Variants in FAM135B observed in about 807,000 individuals in gnomAD.
FAM135B encodes family with sequence similarity 135 member B.
FAM135B carries 43 observed loss-of-function variants against 127.7 expected under a neutral mutation model. The ratio of observed to expected loss-of-function variants is 0.34; its 90% CI spans 0.26 to 0.43. The LOEUF (loss-of-function observed/expected upper bound fraction) is 0.43. Ranked by LOEUF, FAM135B falls within the 20% of genes least tolerant of loss-of-function variation. FAM135B has a pLI of 1.00. For missense variants in FAM135B, 1,558 were observed against 1,725.6 expected, an observed-to-expected ratio of 0.90 and a Z score of 1.72; for synonymous variants, 670 against 665.1, an observed-to-expected ratio of 1.01 and a Z score of -0.11.
chr8:138,329,845 G>A (rs1828045289), intron 2 of FAM135B, among the ~76,000 whole-genome samples: 1 of 152,164 alleles, frequency 6.6e-6, no homozygotes, highest in Admixed American at 6.5e-5. Context: ...TGGGTTCCAT[G>A]TAAGAAGATC....
intron 1 of FAM135B, chr8:138,477,349 C>G (rs1181333966): frequency 6.6e-6 from 1 of 152,218 alleles, no homozygotes; most frequent in Non-Finnish European, 1.5e-5. Context: ...TCTCTTCCTT[C>G]AAGCTCAGCC....
At chr8:138,207,359 T>A (rs1289021477) in intron 7 of FAM135B, among the ~76,000 whole-genome samples, 1 of 151,708 alleles carries the variant, frequency 6.6e-6, no homozygotes, top group Admixed American at 6.6e-5. Context: ...CAGGCTCCCA[T>A]CACCACACCA....
At position 138,145,948 on chromosome 8, in the gene FAM135B, TATC is replaced by T; in HGVS notation, c.3540+8_3540+10del. On this transcript the variant is annotated splice_region_variant and intron_variant, in intron 15 of 19. Coordinates refer to ENST00000395297, the MANE Select transcript of FAM135B (RefSeq NM_015912.4). Reference sequence around the variant, plus strand: ...AGGGTTCTTCCAGTTCTGATATTTGTATCATCATACCTGATTCTTTTCAGACAT... The same window carrying T: ...AGGGTTCTTCCAGTTCTGATATTTGTATCATACCTGATTCTTTTCAGACAT... The T allele has an allele frequency of 1.4e-6, 2 of 1,456,652 alleles. No homozygotes were observed. Among genetic ancestry groups the T allele is most frequent in the Admixed American group, 1.7e-5 (1 of 58,664 alleles). The allele number at this position is 1,456,652 out of a possible 1,614,324, so 90.2% of individuals were successfully genotyped here. A position where few individuals can be genotyped will look rare whatever the true frequency, so the allele number is the denominator to read the frequency against.
intron 1 of FAM135B, among the ~76,000 whole-genome samples, chr8:138,369,076 T>A (rs1481924902): frequency 6.6e-6 from 1 of 152,152 alleles, no homozygotes; most frequent in Non-Finnish European, 1.5e-5. Context: ...GGTAAGATCC[T>A]CCCATTCTCC....
At chr8:138,318,754 T>C (rs754901776) in intron 2 of FAM135B, among the ~76,000 whole-genome samples, 16 of 152,240 alleles carry the variant, frequency 1.1e-4, no homozygotes, top group Non-Finnish European at 2.1e-4. Context: ...TGCTACTGAA[T>C]CTTACTTCAA....
chr8:138,130,241 T>C lies in FAM135B; in HGVS notation c.*2352A>G, dbSNP rs959155357. 3.3e-5 allele frequency: 5 copies of C among 150,922 alleles called. No individual in the cohort carries two copies. Among genetic ancestry groups the C allele is most frequent in the Non-Finnish European group, 7.4e-5 (5 of 67,796 alleles). 9.3% of individuals were successfully genotyped at this position (150,922 alleles called of 1,614,324 possible). ...TATATATATTTATATATTCGATATC[T>C]ATATTTCAATAGAAAGAGACATAAA... On this transcript the variant is annotated 3_prime_UTR_variant, in exon 20 of 20. Coordinates refer to ENST00000395297, the MANE Select transcript of FAM135B (RefSeq NM_015912.4).
At chr8:138,314,693 C>CAGTAAATAAATAAATAAATA (rs1554662772) in intron 2 of FAM135B, among the ~76,000 whole-genome samples, 2,334 of 120,290 alleles carry the variant, frequency 0.019, 73 homozygotes, top group East Asian at 0.15. Context: ...CCCATCCCTA[C>CAGTAAATAAATAAATAAATA]AATAAATAAA....
At chr8:138,291,425 C>T (rs1187430991) in intron 3 of FAM135B, among the ~76,000 whole-genome samples, 1 of 152,154 alleles carries the variant, frequency 6.6e-6, no homozygotes, top group Non-Finnish European at 1.5e-5. Flanking sequence ...TAGGAGGTAA[C>T]ACTTCCAAAC....
upstream of FAM135B, among the ~76,000 whole-genome samples, chr8:138,497,283 G>T (rs1815436279): frequency 6.7e-6 from 1 of 150,276 alleles, no homozygotes; most frequent in Admixed American, 6.6e-5. Context: ...CGGCTCACGC[G>T]CTCCCACCTC....
chr8:138,422,653 A>G (rs1193457702), intron 1 of FAM135B, among the ~76,000 whole-genome samples: 1 of 152,202 alleles, frequency 6.6e-6, no homozygotes, highest in Non-Finnish European at 1.5e-5. Context: ...TGGTAATATA[A>G]GTTAGTTCAG....
At chr8:138,448,509 G>C (rs1371872033) in intron 1 of FAM135B, among the ~76,000 whole-genome samples, 1 of 152,102 alleles carries the variant, frequency 6.6e-6, no homozygotes, top group Non-Finnish European at 1.5e-5. Flanking sequence ...TGTAAAAGCT[G>C]GAGTATCACT....
intron 7 of FAM135B, among the ~76,000 whole-genome samples, chr8:138,226,857 G>A (rs191627413): frequency 1.8e-3 from 268 of 150,328 alleles, no homozygotes; most frequent in Middle Eastern, 0.01. Context: ...CCACCACACC[G>A]AGCTAATTTT....
intron 1 of FAM135B, among the ~76,000 whole-genome samples, chr8:138,418,884 CAAA>C (rs761615203): frequency 8.6e-6 from 1 of 116,326 alleles, no homozygotes. Context: ...TCACCAACCA[CAAA>C]AAAAAAAAAA....
At chr8:138,268,160 C>T (rs73439028) in intron 3 of FAM135B, among the ~76,000 whole-genome samples, 1,790 of 152,254 alleles carry the variant, frequency 0.012, 39 homozygotes, top group East Asian at 0.09. Flanking sequence ...GCCACACTGA[C>T]CTTGTGGGAT....
At chr8:138,325,534 G>T (rs989351258) in intron 2 of FAM135B, among the ~76,000 whole-genome samples, 1 of 152,072 alleles carries the variant, frequency 6.6e-6, no homozygotes, top group East Asian at 1.9e-4. Context: ...TTACTGTTGG[G>T]TTGGACTCAA....
chr8:138,184,890 G>A (rs1392777041), intron 9 of FAM135B, among the ~76,000 whole-genome samples: 1 of 152,184 alleles, frequency 6.6e-6, no homozygotes, highest in African/African-American at 2.4e-5. Context: ...GAATCAGAAT[G>A]CACATTTTAA....
In FAM135B at chr8:138,344,854, C is replaced by T. The variant is rs1485824345; in HGVS notation, c.77+23053G>A. ...ACTCCCAAAGTGCTGGGATTACAGG[C>T]GTGAGCCACCGCGCCTGGCTTCTTG... On this transcript the variant is annotated intron_variant, in intron 2 of 19. Coordinates refer to ENST00000395297, the MANE Select transcript of FAM135B (RefSeq NM_015912.4). Among the ~76,000 whole-genome samples, 5 of 152,128 alleles carry T rather than the reference C, an allele frequency of 3.3e-5. No individual in the cohort carries two copies. In the East Asian group the frequency reaches 5.8e-4, roughly 18 times the overall value.
intron 2 of FAM135B, among the ~76,000 whole-genome samples, chr8:138,344,384 A>G (rs1829257403): frequency 6.6e-6 from 1 of 152,008 alleles, no homozygotes; most frequent in Non-Finnish European, 1.5e-5. Flanking sequence ...TGGTGGCCTC[A>G]CTTCATTTTC....
Position 138,447,531 on chromosome 8 carries a change from G to C in FAM135B, c.-20+49140C>G, listed in dbSNP as rs535584337. On this transcript the variant is annotated intron_variant, in intron 1 of 19. Coordinates refer to ENST00000395297, the MANE Select transcript of FAM135B (RefSeq NM_015912.4). ...GACATGGATGAAGCTGGAACCTATC[G>C]TTCTCAGCAAACTATCGCAAGGACA... 4.2e-4 allele frequency among the ~76,000 whole-genome samples: 64 copies of C among 151,898 alleles called. 1 individual carries two copies. Among genetic ancestry groups the C allele is most frequent in the African/African-American group, 1.5e-3 (61 of 41,420 alleles).
Sources: gnomAD v4.1 joint callset for allele counts (sites outside exome capture counted in the v4.1 genomes callset) on GRCh38, gnomAD v4.1.1 for gene constraint, MANE v1.5 for transcripts, NCBI Gene and HGNC (gene_info 2026-07-23, HGNC 2026-07-21) for gene names.